MAMLD1: variants seen among roughly 807,000 people sequenced by gnomAD.
The protein encoded by MAMLD1 is mastermind like domain containing 1.
Under a neutral mutation model 45.0 loss-of-function variants are expected in MAMLD1, and 14 were observed. The observed-to-expected ratio is 0.31, with a 90% CI of 0.21 to 0.49. MAMLD1 has a LOEUF of 0.49. Ranked by LOEUF, MAMLD1 falls within the 20% of genes least tolerant of loss-of-function variation. The probability of loss-of-function intolerance (pLI) is 0.99; values close to 1 mark genes in which losing one functional copy is unlikely to be tolerated. For missense variants in MAMLD1, 543 were observed against 603.6 expected (o/e 0.90, Z 1.05); for synonymous variants, 254 against 247.8 (o/e 1.02, Z -0.24).
chrX:150,394,129 C>CTTTTTTTTTTTTTTTTTTTTTTTTT lies in MAMLD1; in HGVS notation c.-64+30600_-64+30624dup, dbSNP rs781904160. 1.1e-3 allele frequency among the ~76,000 whole-genome samples: 13 copies of CTTTTTTTTTTTTTTTTTTTTTTTTT among 12,263 alleles called. 1 individual carries two copies. Among genetic ancestry groups the CTTTTTTTTTTTTTTTTTTTTTTTTT allele is most frequent in the Admixed American group, 1.7e-3 (1 of 588 alleles). 10.6% of individuals were successfully genotyped at this position (12,263 alleles called of 115,157 possible). ...GGGGTGTAAGGTCTATATCTACATC[C>CTTTTTTTTTTTTTTTTTTTTTTTTT]TTTTTTTTTTTTTTTTTTTTTTTTT... On this transcript the variant is annotated intron_variant, in intron 1 of 7. Coordinates refer to ENST00000370401, the MANE Select transcript of MAMLD1 (RefSeq NM_005491.5).
intron 1 of MAMLD1, among the ~76,000 whole-genome samples, chrX:150,428,376 G>A (rs1351966021): frequency 3.5e-5 from 4 of 112,712 alleles, no homozygotes; most frequent in South Asian, 7.3e-4. Context: ...ATATAAAATC[G>A]AAAGTTGAAG....
At chrX:150,428,478 C>T (rs1217088802) in intron 1 of MAMLD1, among the ~76,000 whole-genome samples, 1 of 112,421 alleles carries the variant, frequency 8.9e-6, no homozygotes, top group Non-Finnish European at 1.9e-5. Context: ...GAGTGAGAAA[C>T]ATTGCTGAGG....
At position 150,364,545 on chromosome X, in the gene MAMLD1, C is replaced by A. The variant is rs181981863; in HGVS notation, c.-64+1015C>A. Reference sequence around the variant, plus strand: ...CGGAGTGTGGGTGTGTGTGAGCGGGCGGGAGCACAGCGTGGCTGGGGGACG... The same window carrying A: ...CGGAGTGTGGGTGTGTGTGAGCGGGAGGGAGCACAGCGTGGCTGGGGGACG... On this transcript the variant is annotated intron_variant, in intron 1 of 7. Coordinates refer to ENST00000370401, the MANE Select transcript of MAMLD1 (RefSeq NM_005491.5). Among the ~76,000 whole-genome samples the A allele has an allele frequency of 2.3e-3, 259 of 112,232 alleles. 6 individuals are homozygous for A. In the East Asian group the frequency reaches 0.053, roughly 23 times the overall value.
intron 1 of MAMLD1, among the ~76,000 whole-genome samples, chrX:150,416,906 T>G (rs2124542380): frequency 8.9e-6 from 1 of 112,404 alleles, no homozygotes; most frequent in African/African-American, 3.2e-5. Context: ...TTTTTCCTAT[T>G]ATTCTAAATC....
chrX:150,398,323 GA>G (rs1569564597), intron 1 of MAMLD1, among the ~76,000 whole-genome samples: 138 of 91,035 alleles, frequency 1.5e-3, no homozygotes, highest in African/African-American at 3.0e-3. Context: ...AGAAGAAGAA[GA>G]AGAAGAAGAA....
At chrX:150,406,965 T>C (rs952960850) in intron 1 of MAMLD1, among the ~76,000 whole-genome samples, 11 of 110,926 alleles carry the variant, frequency 9.9e-5, no homozygotes, top group African/African-American at 3.6e-4. Flanking sequence ...TCTGTCCATA[T>C]GGGCCCAGCC....
intron 1 of MAMLD1, among the ~76,000 whole-genome samples, chrX:150,371,410 C>T (rs998521314): frequency 4.5e-5 from 5 of 110,677 alleles, no homozygotes; most frequent in African/African-American, 1.3e-4. Flanking sequence ...TCCACCTGTG[C>T]GAGTACCTAG....
chrX:150,433,914 G>A (rs1156771285), intron 1 of MAMLD1, among the ~76,000 whole-genome samples: 1 of 111,526 alleles, frequency 9.0e-6, no homozygotes, highest in Non-Finnish European at 1.9e-5. Context: ...GGATGATGTT[G>A]GCCTCACAGA....
At chrX:150,508,776 G>T (rs781861286) in intron 6 of MAMLD1, among the ~76,000 whole-genome samples, 1 of 112,199 alleles carries the variant, frequency 8.9e-6, no homozygotes, top group African/African-American at 3.2e-5. Context: ...TGGCATCTTC[G>T]GGGGGACACA....
intron 7 of MAMLD1, 39 bp from the exon 8 acceptor site, chrX:150,511,965 C>G: frequency 9.6e-7 from 1 of 1,045,802 alleles, no homozygotes; most frequent in Non-Finnish European, 1.2e-6. Flanking sequence ...TCGAGGATGC[C>G]TTTGGAACTC....
intron 1 of MAMLD1, among the ~76,000 whole-genome samples, chrX:150,419,204 G>T (rs1395361497): frequency 9.8e-6 from 1 of 102,344 alleles, no homozygotes; most frequent in Non-Finnish European, 2.0e-5. Context: ...TGCCTTCTTT[G>T]TCTCTTTTGA....
At chrX:150,391,438 T>C (rs781954549) in intron 1 of MAMLD1, among the ~76,000 whole-genome samples, 2 of 111,714 alleles carry the variant, frequency 1.8e-5, no homozygotes, top group East Asian at 5.6e-4. Context: ...ATTATACTGA[T>C]GTGTCCTCAA....
intron 1 of MAMLD1, among the ~76,000 whole-genome samples, chrX:150,420,760 G>A (rs1225348677): frequency 8.9e-6 from 1 of 112,484 alleles, no homozygotes; most frequent in Non-Finnish European, 1.9e-5. Flanking sequence ...GGGGGTCAGG[G>A]GTCAGGGACC....
intron 3 of MAMLD1, among the ~76,000 whole-genome samples, chrX:150,468,847 G>A (rs978812152): frequency 3.7e-4 from 41 of 110,994 alleles, no homozygotes; most frequent in African/African-American, 1.3e-3. Flanking sequence ...AGTCGTTCTC[G>A]TTAAAGACAA....
At chrX:150,389,508 T>C (rs2033083736) in intron 1 of MAMLD1, among the ~76,000 whole-genome samples, 1 of 112,451 alleles carries the variant, frequency 8.9e-6, no homozygotes, top group Admixed American at 9.4e-5. Context: ...AATGCTGTGA[T>C]TTCAATTATT....
At chrX:150,405,403 C>T (rs1480117847) in intron 1 of MAMLD1, among the ~76,000 whole-genome samples, 2 of 111,281 alleles carry the variant, frequency 1.8e-5, no homozygotes, top group Non-Finnish European at 3.8e-5. Context: ...AGGCTGACAG[C>T]TGCAGGTGGA....
intron 6 of MAMLD1, among the ~76,000 whole-genome samples, chrX:150,505,528 G>A (rs1260148413): frequency 3.6e-5 from 4 of 111,961 alleles, no homozygotes; most frequent in South Asian, 3.7e-4. Flanking sequence ...ATACCTTCCC[G>A]TCAGGGTCTT....
intron 1 of MAMLD1, among the ~76,000 whole-genome samples, chrX:150,398,957 A>T (rs2033638322): frequency 8.9e-6 from 1 of 111,826 alleles, no homozygotes; most frequent in African/African-American, 3.3e-5. Context: ...CAGTCTACAA[A>T]CACTTCCCTA....
At chrX:150,389,972 G>T (rs1335149571) in intron 1 of MAMLD1, among the ~76,000 whole-genome samples, 1 of 112,346 alleles carries the variant, frequency 8.9e-6, no homozygotes, top group African/African-American at 3.2e-5. Flanking sequence ...ATATTTGCAT[G>T]GTATGTTTTC....
Sources: gnomAD v4.1 joint callset for allele counts (sites outside exome capture counted in the v4.1 genomes callset) on GRCh38, gnomAD v4.1.1 for gene constraint, MANE v1.5 for transcripts, NCBI Gene and HGNC (gene_info 2026-07-23, HGNC 2026-07-21) for gene names.